METAP1D: variants seen among roughly 807,000 people sequenced by gnomAD.
METAP1D encodes methionyl aminopeptidase type 1D, mitochondrial.
A neutral mutation model predicts 40.5 loss-of-function variants in METAP1D; 31 were observed. The observed-to-expected ratio is 0.77, with a 90% CI of 0.58 to 1.03. METAP1D has a LOEUF of 1.03. Ranked by LOEUF, METAP1D falls within the 50% of genes least tolerant of loss-of-function variation. The pLI, the probability that METAP1D is intolerant of heterozygous loss-of-function variation, is 0.00. For missense variants in METAP1D, 411 were observed against 420.7 expected (o/e 0.98, Z 0.20); for synonymous variants, 151 against 146.4 (o/e 1.03, Z -0.22).
At chr2:172,077,058 T>C (rs192958472) in intron 6 of METAP1D, among the ~76,000 whole-genome samples, 1 of 152,358 alleles carries the variant, frequency 6.6e-6, no homozygotes, top group East Asian at 1.9e-4. Context: ...GTGCATGCAA[T>C]GTACTTCTCC....
At chr2:172,063,956 T>TATTTGTTTTA in intron 3 of METAP1D, 96 bp downstream of exon 3, 1 of 1,309,976 alleles carries the variant, frequency 7.6e-7, no homozygotes, top group East Asian at 2.9e-5. Flanking sequence ...GGTTGACATC[T>TATTTGTTTTA]AATTTGTTTT....
At chr2:172,040,786 T>C (rs1432352622) in intron 1 of METAP1D, among the ~76,000 whole-genome samples, 1 of 134,418 alleles carries the variant, frequency 7.4e-6, no homozygotes, top group African/African-American at 2.8e-5. Context: ...TCGCTCTCTC[T>C]CCCAGGTTAG....
chr2:172,052,365 GA>G (rs1689904291), intron 1 of METAP1D, among the ~76,000 whole-genome samples: 1 of 152,168 alleles, frequency 6.6e-6, no homozygotes, highest in African/African-American at 2.4e-5. Flanking sequence ...CTGCATTGGA[GA>G]AAAAGTGTGG....
At chr2:172,015,859 G>A (rs975808772) in intron 1 of METAP1D, among the ~76,000 whole-genome samples, 1 of 151,856 alleles carries the variant, frequency 6.6e-6, no homozygotes, top group Non-Finnish European at 1.5e-5. Flanking sequence ...GGAGGCTGAG[G>A]TAGAGGATTG....
chr2:172,050,086 T>A (rs1234220041), intron 1 of METAP1D, among the ~76,000 whole-genome samples: 4 of 152,148 alleles, frequency 2.6e-5, no homozygotes, highest in African/African-American at 9.7e-5. Flanking sequence ...AGCTCTGAGC[T>A]ATTTCATCCC....
intron 1 of METAP1D, among the ~76,000 whole-genome samples, chr2:172,028,687 A>G (rs1474216752): frequency 6.6e-6 from 1 of 151,992 alleles, no homozygotes; most frequent in Non-Finnish European, 1.5e-5. Flanking sequence ...AAGACTTATA[A>G]AGAAAAATAA....
At chr2:172,023,051 G>C (rs1689041651) in intron 1 of METAP1D, among the ~76,000 whole-genome samples, 1 of 152,292 alleles carries the variant, frequency 6.6e-6, no homozygotes, top group South Asian at 2.1e-4. Context: ...AGCTGGGCGT[G>C]GTGGCACATG....
At chr2:172,020,369 G>A (rs1688978168) in intron 1 of METAP1D, among the ~76,000 whole-genome samples, 2 of 152,150 alleles carry the variant, frequency 1.3e-5, no homozygotes, top group Admixed American at 1.3e-4. Context: ...ACTGGTATTG[G>A]GGAGGGCAGG....
chr2:172,068,876 C>T (rs558812843), intron 5 of METAP1D, among the ~76,000 whole-genome samples: 1 of 151,284 alleles, frequency 6.6e-6, no homozygotes, highest in South Asian at 2.1e-4. Context: ...CTTCCTCCCT[C>T]CCTTCCTCCC....
intron 1 of METAP1D, among the ~76,000 whole-genome samples, chr2:172,045,346 A>G (rs1366760678): frequency 7.5e-6 from 1 of 133,164 alleles, no homozygotes; most frequent in Non-Finnish European, 1.7e-5. Context: ...GTATAAGGGA[A>G]TGCTCCAAAA....
chr2:172,017,410 T>C (rs764305272), intron 1 of METAP1D, among the ~76,000 whole-genome samples: 1 of 150,930 alleles, frequency 6.6e-6, no homozygotes, highest in Non-Finnish European at 1.5e-5. Context: ...TATGTATATA[T>C]GTGTATATAT....
intron 1 of METAP1D, among the ~76,000 whole-genome samples, chr2:172,016,300 A>AATATATATATATATATATAT (rs1188835723): frequency 2.2e-4 from 9 of 40,048 alleles, no homozygotes; most frequent in Non-Finnish European, 3.2e-4. Flanking sequence ...AAAAAAAAAA[A>AATATATATATATATATATAT]ATATATATAT....
At chr2:172,001,532 C>A (rs771163264) in intron 1 of METAP1D, among the ~76,000 whole-genome samples, 2 of 150,088 alleles carry the variant, frequency 1.3e-5, no homozygotes, top group Non-Finnish European at 3.0e-5. Flanking sequence ...AGCGAGACTC[C>A]GTCTCAGAAA....
chr2:172,033,621 G>A (rs748120005), intron 1 of METAP1D, among the ~76,000 whole-genome samples: 23 of 151,942 alleles, frequency 1.5e-4, no homozygotes, highest in Non-Finnish European at 1.6e-4. Flanking sequence ...CTCCCAAAGT[G>A]CAGGGATTAC....
chr2:172,055,031 C>A (rs1394474013), intron 1 of METAP1D, among the ~76,000 whole-genome samples: 2 of 152,208 alleles, frequency 1.3e-5, no homozygotes, highest in African/African-American at 4.8e-5. Context: ...TATAAAGCAA[C>A]TCCTCACTGT....
At chr2:172,018,966 T>C (rs1252039275) in intron 1 of METAP1D, among the ~76,000 whole-genome samples, 1 of 152,106 alleles carries the variant, frequency 6.6e-6, no homozygotes, top group Non-Finnish European at 1.5e-5. Context: ...CCACTGAGGG[T>C]TTTAAATCCC....
At chr2:172,063,899 G>A (rs762592975) in intron 3 of METAP1D, 39 bp downstream of exon 3, 2 of 1,524,456 alleles carry the variant, frequency 1.3e-6, no homozygotes, top group South Asian at 2.6e-5. Context: ...TTACATAAGG[G>A]GCAACAAACA....
intron 1 of METAP1D, among the ~76,000 whole-genome samples, chr2:172,023,165 G>A (rs1486245238): frequency 6.6e-6 from 1 of 152,130 alleles, no homozygotes; most frequent in African/African-American, 2.4e-5. Flanking sequence ...TCCTGCCTGG[G>A]CAACAAAAGC....
At chr2:172,061,448 A>T (rs780931011) in intron 1 of METAP1D, 50 bp from the exon 2 acceptor site, 3 of 1,481,426 alleles carry the variant, frequency 2.0e-6, no homozygotes, top group Non-Finnish European at 2.8e-6. Context: ...AAAGTGGAGG[A>T]CTGTGTTAGG....
Sources: allele counts gnomAD v4.1 joint callset (sites outside exome capture counted in the v4.1 genomes callset), GRCh38; gene constraint gnomAD v4.1.1; transcripts MANE v1.5; gene names NCBI Gene and HGNC (gene_info 2026-07-23, HGNC 2026-07-21).